MCTP1: variants seen among roughly 807,000 people sequenced by gnomAD.
MCTP1 encodes multiple C2 and transmembrane domain containing 1.
Under a neutral mutation model 120.6 loss-of-function variants are expected in MCTP1, and 69 were observed. The observed-to-expected ratio is 0.57, with a 90% CI of 0.47 to 0.70. The LOEUF is 0.70. Ranked by LOEUF, MCTP1 falls within the 30% of genes least tolerant of loss-of-function variation. The probability of loss-of-function intolerance (pLI) is 0.00; values close to 1 mark genes in which losing one functional copy is unlikely to be tolerated. For missense variants in MCTP1, 1,203 were observed against 1,248.8 expected (o/e 0.96, Z 0.55); for synonymous variants, 529 against 493.1 (o/e 1.07, Z -0.96).
chr5:95,073,796 T>TG (rs1231790850), intron 1 of MCTP1, among the ~76,000 whole-genome samples: 1 of 152,134 alleles, frequency 6.6e-6, no homozygotes, highest in Non-Finnish European at 1.5e-5. Flanking sequence ...TTTCTTAACT[T>TG]GGAGTGTGTG....
chr5:94,967,737 T>C (rs1013829005), intron 2 of MCTP1, among the ~76,000 whole-genome samples: 5 of 152,210 alleles, frequency 3.3e-5, no homozygotes, highest in Non-Finnish European at 5.9e-5. Flanking sequence ...TTTATAAACG[T>C]GTGGTCTTGG....
At chr5:94,906,304 G>A (rs1581275435) in intron 10 of MCTP1, among the ~76,000 whole-genome samples, 2 of 152,090 alleles carry the variant, frequency 1.3e-5, no homozygotes, top group African/African-American at 2.4e-5. Flanking sequence ...TTGGCAGCAT[G>A]GCAAAACGCT....
chr5:94,983,733 G>A (rs192027140), intron 2 of MCTP1, among the ~76,000 whole-genome samples: 73 of 151,646 alleles, frequency 4.8e-4, no homozygotes, highest in African/African-American at 1.7e-3. Flanking sequence ...TTTCTTTTTT[G>A]CAAAACCATA....
chr5:94,961,180 C>A (rs1824057953), intron 2 of MCTP1, among the ~76,000 whole-genome samples: 1 of 151,258 alleles, frequency 6.6e-6, no homozygotes, highest in Admixed American at 6.6e-5. Flanking sequence ...GAACAGAAAA[C>A]CAAATAGTGC....
intron 1 of MCTP1, among the ~76,000 whole-genome samples, chr5:95,227,967 T>C (rs180938622): frequency 2.0e-5 from 3 of 152,286 alleles, no homozygotes; most frequent in Admixed American, 6.5e-5. Flanking sequence ...CAGGATCATG[T>C]TTTTATACAT....
At chr5:94,925,206 A>C (rs557720836) in intron 6 of MCTP1, among the ~76,000 whole-genome samples, 2 of 152,330 alleles carry the variant, frequency 1.3e-5, no homozygotes, top group South Asian at 2.1e-4. Flanking sequence ...CAATAACAAC[A>C]ACCACAACCA....
chr5:94,791,197 C>T (rs1778874643), intron 18 of MCTP1, among the ~76,000 whole-genome samples: 1 of 150,702 alleles, frequency 6.6e-6, no homozygotes, highest in African/African-American at 2.4e-5. Flanking sequence ...TACTAGAAGG[C>T]TGAGGCAGGA....
chr5:95,227,553 TA>T (rs1754422259), intron 1 of MCTP1, among the ~76,000 whole-genome samples: 1 of 152,150 alleles, frequency 6.6e-6, no homozygotes, highest in Non-Finnish European at 1.5e-5. Context: ...TGGTATTAGC[TA>T]AAAGGCAACT....
At chr5:95,138,338 A>T (rs1759617218) in intron 1 of MCTP1, among the ~76,000 whole-genome samples, 1 of 151,976 alleles carries the variant, frequency 6.6e-6, no homozygotes, top group African/African-American at 2.4e-5. Context: ...AGGCCCAGAG[A>T]GCTTATGAAG....
At chr5:95,005,571 T>C (rs541550675) in intron 2 of MCTP1, among the ~76,000 whole-genome samples, 4 of 152,256 alleles carry the variant, frequency 2.6e-5, no homozygotes, top group African/African-American at 9.6e-5. Context: ...GTTCTCATGA[T>C]AGAGTTCTCA....
At chr5:95,191,965 A>G (rs1749870794) in intron 1 of MCTP1, among the ~76,000 whole-genome samples, 1 of 151,900 alleles carries the variant, frequency 6.6e-6, no homozygotes, top group African/African-American at 2.4e-5. Flanking sequence ...TTACCTCCCA[A>G]TTGTTGACAG....
At chr5:94,707,605 GC>G in intron 22 of MCTP1, 38 bp from the exon 23 acceptor site, 1 of 1,500,572 alleles carries the variant, frequency 6.7e-7, no homozygotes, top group East Asian at 2.3e-5. Flanking sequence ...TGGTCAGGTG[GC>G]CACTTTCTGG....
intron 1 of MCTP1, among the ~76,000 whole-genome samples, chr5:95,242,844 C>A (rs532538878): frequency 1.3e-5 from 2 of 152,130 alleles, no homozygotes; most frequent in East Asian, 3.8e-4. Context: ...TGGATGTACA[C>A]GTCACAATTC....
intron 11 of MCTP1, among the ~76,000 whole-genome samples, chr5:94,889,750 C>CCACA (rs750983646): frequency 0.27 from 38,770 of 145,514 alleles, 5,372 homozygotes; most frequent in Non-Finnish European, 0.33. Flanking sequence ...TGAATGTACA[C>CCACA]CACACACACA....
intron 17 of MCTP1, among the ~76,000 whole-genome samples, chr5:94,823,487 G>A (rs1019677137): frequency 7.9e-5 from 12 of 152,048 alleles, no homozygotes; most frequent in Admixed American, 3.9e-4. Flanking sequence ...TTATGCATCC[G>A]GCTTTGTTCT....
intron 10 of MCTP1, among the ~76,000 whole-genome samples, chr5:94,900,521 C>T (rs901238238): frequency 4.6e-5 from 7 of 152,182 alleles, no homozygotes. Flanking sequence ...TTTGACTTCT[C>T]CCCAATACTC....
At position 95,074,124 on chromosome 5, in the gene MCTP1, A is replaced by G. The variant is rs79729339; in HGVS notation, c.721-56640T>C. On this transcript the variant is annotated intron_variant, in intron 1 of 22. Transcript: ENST00000515393. Reference sequence around the variant, plus strand: ...GAGTGAGACTCCGTCTCAAGAAAAAAAAGAAAAAAAATTACACTCTTGGGC... The same window carrying G: ...GAGTGAGACTCCGTCTCAAGAAAAAGAAGAAAAAAAATTACACTCTTGGGC... Among the ~76,000 whole-genome samples the G allele has an allele frequency of 4.7e-3, 709 of 152,336 alleles. 1 individual carries two copies. The highest frequency in any genetic ancestry group is 0.016 in the African/African-American group (664 of 41,586).
chr5:95,152,387 AG>A lies in MCTP1; in HGVS notation c.720+131468del, dbSNP rs1744630076. 2.6e-5 allele frequency among the ~76,000 whole-genome samples: 4 copies of A among 152,344 alleles called. No homozygotes were observed. In the South Asian group the frequency reaches 8.3e-4, roughly 32 times the overall value. ...AGCCAAAGAAATGCATTCTATGTGT[AG>A]GGGACAATATCTTTCTTATATTCTG... On this transcript the variant is annotated intron_variant, in intron 1 of 22. Transcript: ENST00000515393.
intron 1 of MCTP1, among the ~76,000 whole-genome samples, chr5:95,191,184 C>T (rs1001360481): frequency 1.1e-4 from 16 of 151,766 alleles, no homozygotes; most frequent in African/African-American, 3.6e-4. Context: ...AAAAATAGGC[C>T]AGGGAACTCT....
Sources: gnomAD v4.1 joint callset for allele counts (sites outside exome capture counted in the v4.1 genomes callset) on GRCh38, gnomAD v4.1.1 for gene constraint, MANE v1.5 for transcripts, NCBI Gene and HGNC (gene_info 2026-07-23, HGNC 2026-07-21) for gene names.